LRRTM4: variants seen among roughly 807,000 people sequenced by gnomAD.
LRRTM4 encodes the protein leucine rich repeat transmembrane neuronal 4, also known as leucine-rich repeat transmembrane neuronal protein 4.
LRRTM4 carries 25 observed loss-of-function variants against 47.6 expected under a neutral mutation model. The ratio of observed to expected loss-of-function variants is 0.53; its 90% CI spans 0.38 to 0.73. LRRTM4 has a LOEUF of 0.73. Ranked by LOEUF, LRRTM4 falls within the 30% of genes least tolerant of loss-of-function variation. The probability of loss-of-function intolerance (pLI) is 0.00; values close to 1 mark genes in which losing one functional copy is unlikely to be tolerated. For missense variants in LRRTM4, 638 were observed against 713.4 expected (o/e 0.89, Z 1.20); for synonymous variants, 311 against 269.5 (o/e 1.15, Z -1.51).
chr2:76,931,540 ACTTTC>A (rs1674770045), intron 3 of LRRTM4, among the ~76,000 whole-genome samples: 1 of 151,902 alleles, frequency 6.6e-6, no homozygotes, highest in Admixed American at 6.6e-5. Context: ...TCTCTCCACC[ACTTTC>A]ATCACTCAGT....
In LRRTM4 at chr2:77,142,940, G is replaced by T. The variant is rs1672163649; in HGVS notation, c.1551+375378C>A. 1.3e-5 allele frequency among the ~76,000 whole-genome samples: 2 copies of T among 152,106 alleles called. 1 individual carries two copies. The highest frequency in any genetic ancestry group is 4.1e-4 in the South Asian group (2 of 4,822). On this transcript the variant is annotated intron_variant, in intron 3 of 3. Transcript: ENST00000409884. The stretch of plus-strand genomic sequence containing the variant: ...AGCCATGTATGAATCTAAGTTTTTA[G>T]TTCAGGGAGTTGTGCTTCGTTAAAG...
chr2:76,939,670 ATC>A (rs1675070734), intron 3 of LRRTM4, among the ~76,000 whole-genome samples: 1 of 152,092 alleles, frequency 6.6e-6, no homozygotes, highest in Non-Finnish European at 1.5e-5. Flanking sequence ...AATAATTTTC[ATC>A]TGACCCCAAA....
intron 3 of LRRTM4, among the ~76,000 whole-genome samples, chr2:77,478,474 G>C (rs766999891): frequency 6.6e-6 from 1 of 152,098 alleles, no homozygotes; most frequent in Middle Eastern, 3.2e-3. Flanking sequence ...TTATGTCCTA[G>C]ATCAGCAGTT....
intron 3 of LRRTM4, among the ~76,000 whole-genome samples, chr2:77,385,810 C>T (rs1037333294): frequency 1.9e-4 from 26 of 139,202 alleles, no homozygotes; most frequent in Non-Finnish European, 3.0e-4. Flanking sequence ...TGCCGTGGCA[C>T]GATCTCAGCT....
intron 3 of LRRTM4, among the ~76,000 whole-genome samples, chr2:77,158,188 G>T (rs1328955949): frequency 2.0e-5 from 3 of 152,044 alleles, no homozygotes; most frequent in Non-Finnish European, 4.4e-5. Context: ...TTGCAAGGGC[G>T]TTTGCTTTAT....
At chr2:77,272,672 G>A (rs1219481008) in intron 3 of LRRTM4, among the ~76,000 whole-genome samples, 1 of 152,042 alleles carries the variant, frequency 6.6e-6, no homozygotes, top group African/African-American at 2.4e-5. Context: ...GTGTCATTGG[G>A]GCAGGTCCTT....
intron 3 of LRRTM4, among the ~76,000 whole-genome samples, chr2:76,904,207 G>T (rs376686605): frequency 1.7e-4 from 26 of 152,238 alleles, no homozygotes; most frequent in South Asian, 1.7e-3. Context: ...AATTGTCCTG[G>T]AACAAAGTAG....
At chr2:76,886,658 G>T (rs1337219351) in intron 3 of LRRTM4, among the ~76,000 whole-genome samples, 1 of 151,938 alleles carries the variant, frequency 6.6e-6, no homozygotes, top group East Asian at 1.9e-4. Flanking sequence ...TTACAAAAAT[G>T]CAAATAGTAA....
At chr2:77,430,283 A>G (rs1054348228) in intron 3 of LRRTM4, among the ~76,000 whole-genome samples, 3 of 152,196 alleles carry the variant, frequency 2.0e-5, no homozygotes, top group African/African-American at 7.2e-5. Context: ...TTATCTGTCA[A>G]TTAAAAAATG....
At chr2:77,520,524 A>G (rs1679442889) in intron 2 of LRRTM4, among the ~76,000 whole-genome samples, 1 of 151,970 alleles carries the variant, frequency 6.6e-6, no homozygotes, top group African/African-American at 2.4e-5. Context: ...ATTATTGCAT[A>G]CTGTGGCTCC....
chr2:76,897,542 G>A (rs1246885411), intron 3 of LRRTM4, among the ~76,000 whole-genome samples: 1 of 152,104 alleles, frequency 6.6e-6, no homozygotes, highest in Non-Finnish European at 1.5e-5. Flanking sequence ...CATAATATTA[G>A]ATGTGATGAA....
At chr2:76,807,281 C>T (rs1676015836) in intron 3 of LRRTM4, among the ~76,000 whole-genome samples, 2 of 150,508 alleles carry the variant, frequency 1.3e-5, no homozygotes, top group Admixed American at 6.6e-5. Flanking sequence ...TGTGGTATGC[C>T]CTCATTGTTT....
chr2:77,043,132 G>A (rs151046282), intron 3 of LRRTM4, among the ~76,000 whole-genome samples: 60 of 151,830 alleles, frequency 4.0e-4, no homozygotes, highest in African/African-American at 1.4e-3. Flanking sequence ...TTTCTTTCCT[G>A]TTTTGTCTTT....
At chr2:76,964,474 A>G (rs889828955) in intron 3 of LRRTM4, among the ~76,000 whole-genome samples, 26 of 150,914 alleles carry the variant, frequency 1.7e-4, no homozygotes, top group Admixed American at 1.7e-3. Context: ...CTCCAACAAA[A>G]GTGTTGAAAT....
chr2:77,131,018 T>C (rs1251584624), intron 3 of LRRTM4, among the ~76,000 whole-genome samples: 1 of 146,278 alleles, frequency 6.8e-6, no homozygotes, highest in African/African-American at 2.5e-5. Flanking sequence ...GTATTTTTAG[T>C]AGAGACGGGG....
At chr2:77,108,647 G>GCA (rs1671165398) in intron 3 of LRRTM4, among the ~76,000 whole-genome samples, 1 of 150,538 alleles carries the variant, frequency 6.6e-6, no homozygotes, top group Non-Finnish European at 1.5e-5. Context: ...GCAGTGGCGG[G>GCA]ATCTGGGCTC....
chr2:77,054,611 C>G (rs1045259168), intron 3 of LRRTM4, among the ~76,000 whole-genome samples: 3 of 152,140 alleles, frequency 2.0e-5, no homozygotes, highest in African/African-American at 7.2e-5. Flanking sequence ...GATTATTTCT[C>G]ATTAATTTGA....
intron 3 of LRRTM4, among the ~76,000 whole-genome samples, chr2:76,847,217 C>T (rs1474567342): frequency 6.6e-6 from 1 of 151,570 alleles, no homozygotes; most frequent in East Asian, 1.9e-4. Context: ...TTTGTTCCCA[C>T]TCTCAACATA....
At chr2:76,752,774 C>T (rs1216083581) in intron 3 of LRRTM4, among the ~76,000 whole-genome samples, 2 of 152,094 alleles carry the variant, frequency 1.3e-5, no homozygotes, top group Non-Finnish European at 2.9e-5. Context: ...GTTTCCTTTC[C>T]AGTAGTCAAA....
Sources: allele counts gnomAD v4.1 joint callset (sites outside exome capture counted in the v4.1 genomes callset), GRCh38; gene constraint gnomAD v4.1.1; transcripts MANE v1.5; gene names NCBI Gene and HGNC (gene_info 2026-07-23, HGNC 2026-07-21).